MET: variants seen among roughly 807,000 people sequenced by gnomAD.
The protein encoded by MET is hepatocyte growth factor receptor.
In MET, 48 loss-of-function variants were observed where a neutral mutation model predicts 133.1. That is an observed-to-expected ratio of 0.36 (90% CI 0.29 to 0.46). MET has a LOEUF of 0.46. Ranked by LOEUF, MET falls within the 20% of genes least tolerant of loss-of-function variation. MET has a pLI of 1.00. For missense variants in MET, 1,442 were observed against 1,695.9 expected, an observed-to-expected ratio of 0.85 and a Z score of 2.63; for synonymous variants, 628 against 616.5, an observed-to-expected ratio of 1.02 and a Z score of -0.28.
intron 1 of MET, among the ~76,000 whole-genome samples, chr7:116,696,068 A>G (rs1013445762): frequency 1.3e-5 from 2 of 152,068 alleles, no homozygotes; most frequent in African/African-American, 4.8e-5. Flanking sequence ...GGGGGTTCAC[A>G]GTGTTGGTCA....
At chr7:116,714,164 C>T (rs1470615388) in intron 2 of MET, among the ~76,000 whole-genome samples, 1 of 152,156 alleles carries the variant, frequency 6.6e-6, no homozygotes, top group Non-Finnish European at 1.5e-5. Context: ...TGGACACAGT[C>T]TGTTTCAGAT....
At chr7:116,776,973 C>A (rs1386232755) in intron 15 of MET, among the ~76,000 whole-genome samples, 1 of 152,114 alleles carries the variant, frequency 6.6e-6, no homozygotes, top group Non-Finnish European at 1.5e-5. Context: ...ATATAGAGAA[C>A]TTATTTTATT....
intron 2 of MET, among the ~76,000 whole-genome samples, chr7:116,726,281 C>T (rs777609309): frequency 2.7e-4 from 40 of 148,622 alleles, no homozygotes; most frequent in Admixed American, 8.1e-4. Flanking sequence ...TCCTCCCCCT[C>T]CTGGAAAAGT....
chr7:116,756,846 A>G (rs770492395), intron 6 of MET, among the ~76,000 whole-genome samples: 1 of 152,208 alleles, frequency 6.6e-6, no homozygotes, highest in Non-Finnish European at 1.5e-5. Flanking sequence ...AACTTAGATT[A>G]TTATGCACTA....
chr7:116,787,975 C>T (rs1346799202), intron 19 of MET, among the ~76,000 whole-genome samples: 3 of 152,052 alleles, frequency 2.0e-5, no homozygotes, highest in Non-Finnish European at 4.4e-5. Flanking sequence ...TGTGTCCATA[C>T]AATGGACTAA....
Position 116,796,553 on chromosome 7 carries a change from A to G in MET, c.*429A>G, listed in dbSNP as rs1156431640. 1.8e-5 allele frequency: 6 copies of G among 330,740 alleles called. No homozygotes were observed. The South Asian group carries it at 2.6e-4, about 14-fold the overall frequency. The allele number at this position is 330,740 out of a possible 1,614,324, so 20.5% of individuals were successfully genotyped here. On this transcript the variant is annotated 3_prime_UTR_variant, in exon 21 of 21. Coordinates refer to ENST00000397752, the MANE Select transcript of MET (RefSeq NM_000245.4). Reference sequence around the variant, plus strand: ...ACTCATTTAGAATTCTAGTGTTTCAAAACACTTTTGTGTGTTGTATGGTCA... The same window carrying G: ...ACTCATTTAGAATTCTAGTGTTTCAGAACACTTTTGTGTGTTGTATGGTCA...
intron 1 of MET, among the ~76,000 whole-genome samples, chr7:116,688,222 G>A (rs1373190244): frequency 6.6e-6 from 1 of 151,764 alleles, no homozygotes; most frequent in Non-Finnish European, 1.5e-5. Context: ...GGCAAAGGTT[G>A]ATTGCCTCTT....
intron 1 of MET, among the ~76,000 whole-genome samples, chr7:116,689,412 T>C (rs982215091): frequency 5.9e-5 from 9 of 152,156 alleles, no homozygotes; most frequent in African/African-American, 2.2e-4. Flanking sequence ...TTTTTCCCCA[T>C]TTGCTGACGA....
chr7:116,776,428 C>T (rs974695153), intron 15 of MET, among the ~76,000 whole-genome samples: 2 of 152,116 alleles, frequency 1.3e-5, no homozygotes, highest in Admixed American at 1.3e-4. Context: ...TAATTGTGTT[C>T]TAATTCTACA....
At position 116,675,721 on chromosome 7, in the gene MET, T is replaced by C. The variant is rs543417900; in HGVS notation, c.-15+3144T>C. Among the ~76,000 whole-genome samples, 8 of 152,256 alleles carry C rather than the reference T, an allele frequency of 5.3e-5. No homozygotes were observed. The South Asian group carries it at 1.5e-3, about 28-fold the overall frequency. On this transcript the variant is annotated intron_variant, in intron 1 of 20. Transcript: ENST00000397752. ...TATAACATATCTAGTCCCTGGAGTT[T>C]TTGTCACCTTCTCTTTCTCCAGTTC...
intron 2 of MET, among the ~76,000 whole-genome samples, chr7:116,703,220 A>G (rs1791645879): frequency 6.6e-6 from 1 of 152,278 alleles, no homozygotes; most frequent in East Asian, 1.9e-4. Flanking sequence ...CAGTTGTTCT[A>G]TAAGAATATA....
intron 5 of MET, among the ~76,000 whole-genome samples, chr7:116,741,759 TTTAATTCATTCCA>T (rs1793464205): frequency 6.6e-6 from 1 of 152,234 alleles, no homozygotes; most frequent in African/African-American, 2.4e-5. Flanking sequence ...CATGCCACTC[TTTAATTCATTCCA>T]AAAATATTTA....
intron 10 of MET, among the ~76,000 whole-genome samples, chr7:116,761,291 G>A (rs1199706120): frequency 6.6e-6 from 1 of 152,138 alleles, no homozygotes; most frequent in Non-Finnish European, 1.5e-5. Context: ...AAACATGTTA[G>A]TACAGTAGAA....
At chr7:116,717,725 A>G (rs1451000137) in intron 2 of MET, among the ~76,000 whole-genome samples, 1 of 152,220 alleles carries the variant, frequency 6.6e-6, no homozygotes, top group Non-Finnish European at 1.5e-5. Context: ...TTATCTATAG[A>G]TGAGCTAAAT....
chr7:116,740,093 T>C lies in MET; in HGVS notation c.1527+9T>C, dbSNP rs2116828699. The C allele has an allele frequency of 6.2e-7, 1 of 1,614,026 alleles. No individual in the cohort carries two copies. The highest frequency in any genetic ancestry group is 8.5e-7 in the Non-Finnish European group (1 of 1,179,884). ...TTATCACTGGGAAGAAGGTAAGCTG[T>C]TCCCACAGGGAATTTCCATAGACGT... On this transcript the variant is annotated intron_variant, in intron 4 of 20. Transcript: ENST00000397752.
At chr7:116,684,082 G>T (rs1796457084) in intron 1 of MET, among the ~76,000 whole-genome samples, 1 of 152,114 alleles carries the variant, frequency 6.6e-6, no homozygotes, top group Non-Finnish European at 1.5e-5. Flanking sequence ...CTACATCAGG[G>T]TTATTAACTC....
At chr7:116,732,364 G>A (rs1469114061) in intron 3 of MET, among the ~76,000 whole-genome samples, 1 of 152,116 alleles carries the variant, frequency 6.6e-6, no homozygotes, top group Non-Finnish European at 1.5e-5. Flanking sequence ...AGGGTTGGAT[G>A]CAAATAAGTT....
intron 1 of MET, among the ~76,000 whole-genome samples, chr7:116,673,149 G>A (rs927948152): frequency 3.3e-5 from 5 of 152,196 alleles, no homozygotes; most frequent in Admixed American, 2.6e-4. Context: ...TATAACCAGA[G>A]GCTGAGCGAT....
chr7:116,724,458 C>T (rs1278589356), intron 2 of MET, among the ~76,000 whole-genome samples: 1 of 152,198 alleles, frequency 6.6e-6, no homozygotes, highest in Admixed American at 6.5e-5. Context: ...AGCTGTAGAC[C>T]GGAGCTGTTC....
Sources: gnomAD v4.1 joint callset for allele counts (sites outside exome capture counted in the v4.1 genomes callset) on GRCh38, gnomAD v4.1.1 for gene constraint, MANE v1.5 for transcripts, NCBI Gene and HGNC (gene_info 2026-07-23, HGNC 2026-07-21) for gene names.